Variants in PAPPA2 observed in about 807,000 individuals in gnomAD.
PAPPA2 encodes pappalysin-2.
PAPPA2 carries 86 observed loss-of-function variants against 176.4 expected under a neutral mutation model. The ratio of observed to expected loss-of-function variants is 0.49; its 90% confidence interval spans 0.41 to 0.58. The LOEUF (loss-of-function observed/expected upper bound fraction) is 0.58, where lower values mean the gene tolerates loss of function less well. Among genes scored for constraint, PAPPA2 ranks in the 20% least tolerant of loss-of-function variants. The pLI is 0.00. For synonymous variants in PAPPA2, 809 were observed against 852.2 expected, an observed-to-expected ratio of 0.95 and a Z score of 0.88; for missense variants, 2,073 against 2,256.9, an observed-to-expected ratio of 0.92 and a Z score of 1.65.
intron 10 of PAPPA2, 79 bp from the exon 11 acceptor site, chr1:176,709,901 GTGT>G: frequency 3.1e-6 from 4 of 1,270,136 alleles, no homozygotes. Flanking sequence ...TGGAGAAGAA[GTGT>G]TGTGGACATT....
At chr1:176,583,201 C>A (rs1421531069) in intron 2 of PAPPA2, among the ~76,000 whole-genome samples, 3 of 151,842 alleles carry the variant, frequency 2.0e-5, no homozygotes, top group East Asian at 1.9e-4. Flanking sequence ...TTTCATTGAA[C>A]TTTCTTAGTC....
intron 21 of PAPPA2, among the ~76,000 whole-genome samples, chr1:176,829,329 G>T (rs1209707940): frequency 6.6e-6 from 1 of 152,098 alleles, no homozygotes; most frequent in Non-Finnish European, 1.5e-5. Context: ...GGAGGGCCAA[G>T]AAAAATATTT....
chr1:176,650,132 T>A (rs1275764856), intron 3 of PAPPA2, among the ~76,000 whole-genome samples: 1 of 151,576 alleles, frequency 6.6e-6, no homozygotes, highest in Non-Finnish European at 1.5e-5. Context: ...ATTGTCCCCT[T>A]TGTCATTATA....
intron 14 of PAPPA2, among the ~76,000 whole-genome samples, 160 bp from the exon 15 acceptor site, chr1:176,765,506 G>T (rs1258004175): frequency 6.6e-6 from 1 of 152,168 alleles, no homozygotes; most frequent in African/African-American, 2.4e-5. Context: ...ATGCTGCATG[G>T]TGTTGGGTAG....
intron 1 of PAPPA2, among the ~76,000 whole-genome samples, chr1:176,486,686 C>A (rs897831817): frequency 2.0e-5 from 3 of 152,060 alleles, no homozygotes; most frequent in Admixed American, 2.0e-4. Context: ...CTTTTTGAAA[C>A]CAGGTGAGCA....
intron 1 of PAPPA2, among the ~76,000 whole-genome samples, chr1:176,552,475 TCTC>T: frequency 6.7e-6 from 1 of 149,850 alleles, no homozygotes; most frequent in East Asian, 2.0e-4. Flanking sequence ...CTCTCCTCTC[TCTC>T]CTCGCTTTCC....
chr1:176,470,259 A>C (rs560630539), intron 1 of PAPPA2, among the ~76,000 whole-genome samples: 2 of 152,300 alleles, frequency 1.3e-5, no homozygotes, highest in East Asian at 3.9e-4. Flanking sequence ...AGAATAAGCA[A>C]CTTGGGCTAA....
Position 176,566,849 on chromosome 1 carries a change from G to A in PAPPA2, c.919+9608G>A, listed in dbSNP as rs1162297122. Reference sequence around the variant, plus strand: ...TTTCCTCTTCCAATCTGTGCCTTGAGGAGGCCAAATAAACACTTTATTTGG... The same window carrying A: ...TTTCCTCTTCCAATCTGTGCCTTGAAGAGGCCAAATAAACACTTTATTTGG... On this transcript the variant is annotated intron_variant, in intron 2 of 22. Coordinates refer to ENST00000367662, the MANE Select transcript of PAPPA2 (RefSeq NM_020318.3). Among the ~76,000 whole-genome samples, 3 of 152,208 alleles carry A rather than the reference G, an allele frequency of 2.0e-5. No homozygotes were observed. In the South Asian group the frequency reaches 6.2e-4, roughly 32 times the overall value.
intron 2 of PAPPA2, among the ~76,000 whole-genome samples, chr1:176,557,524 C>T (rs1651395414): frequency 6.6e-6 from 1 of 152,084 alleles, no homozygotes; most frequent in Admixed American, 6.5e-5. Flanking sequence ...GCTCTCTTAC[C>T]TGTCTTTAAA....
chr1:176,556,127 C>T lies in PAPPA2; in HGVS notation c.-196C>T, dbSNP rs1349062033. The T allele has an allele frequency of 4.7e-6, 3 of 637,958 alleles. No homozygotes were observed. The highest frequency in any genetic ancestry group is 8.0e-6 in the Non-Finnish European group (3 of 374,032). 39.5% of individuals were successfully genotyped at this position (637,958 alleles called of 1,614,324 possible). A position where few individuals can be genotyped will look rare whatever the true frequency, so the allele number is the denominator to read the frequency against. ...ACATGCCCTGGGGAGGCATAGAAGCCACACTGGCAGAGCGGCCAGCACAGG... is the reference window on the plus strand; with the variant it reads ...ACATGCCCTGGGGAGGCATAGAAGCTACACTGGCAGAGCGGCCAGCACAGG... On this transcript the variant is annotated 5_prime_UTR_variant, in exon 2 of 23. Coordinates refer to ENST00000367662, the MANE Select transcript of PAPPA2 (RefSeq NM_020318.3).
intron 3 of PAPPA2, among the ~76,000 whole-genome samples, chr1:176,623,641 TTC>T (rs1655758097): frequency 8.0e-6 from 1 of 125,738 alleles, no homozygotes; most frequent in African/African-American, 3.2e-5. Flanking sequence ...CTTTCTTTCT[TTC>T]TTTCTTTCTT....
chr1:176,798,061 AC>A (rs1306309361), intron 20 of PAPPA2, among the ~76,000 whole-genome samples: 1 of 152,214 alleles, frequency 6.6e-6, no homozygotes, highest in African/African-American at 2.4e-5. Flanking sequence ...TGACACAGGT[AC>A]CACCAACTTT....
intron 10 of PAPPA2, 54 bp downstream of exon 10, chr1:176,706,504 T>C (rs1660890080): frequency 6.7e-7 from 1 of 1,488,210 alleles, no homozygotes; most frequent in East Asian, 2.3e-5. Context: ...AGGTGTATTA[T>C]TTTGTGAGTT....
intron 1 of PAPPA2, among the ~76,000 whole-genome samples, chr1:176,464,862 A>G (rs747521235): frequency 1.3e-5 from 2 of 152,268 alleles, no homozygotes; most frequent in Non-Finnish European, 2.9e-5. Context: ...AGAAGAAACT[A>G]TAAAACAATC....
chr1:176,711,671 G>A (rs981587037), intron 11 of PAPPA2, among the ~76,000 whole-genome samples, 164 bp from the exon 12 acceptor site: 3 of 152,158 alleles, frequency 2.0e-5, no homozygotes, highest in Admixed American at 1.3e-4. Flanking sequence ...GTTAAAGAGA[G>A]CACTGAGAAA....
Position 176,709,962 on chromosome 1 carries a change from TCA to T in PAPPA2, c.3458-16_3458-15del. 1 of 1,579,590 alleles carries T rather than the reference TCA, an allele frequency of 6.3e-7. No homozygotes were observed. The highest frequency in any genetic ancestry group is 1.2e-5 in the South Asian group (1 of 86,538). Reference sequence around the variant, plus strand: ...CATTTATGAAAACACTTTTTCTGTGTCACACAATATTTCTTGGCAGGAGAGCC... The same window carrying T: ...CATTTATGAAAACACTTTTTCTGTGTCACAATATTTCTTGGCAGGAGAGCC... On this transcript the variant is annotated intron_variant, in intron 10 of 22. Transcript: ENST00000367662.
rs1339464047 is a variant in PAPPA2 at position 176,709,999 on chromosome 1, C to T, written c.3474C>T (p.Cys1158=). ...TCTTGGCAGGAGAGCCAAGCCTTTG[C>T]TACATGTATGAGGGAGATGGCATAT... is the stretch of plus-strand genomic sequence containing the variant. ...GFNCVGEPSL[C]YMYEGDGICE... The change falls in exon 11 of 23, where the codon TGC becomes TGT. Residue 1158 remains cysteine, a synonymous_variant. Coordinates refer to ENST00000367662, the MANE Select transcript of PAPPA2 (RefSeq NM_020318.3). 1 of 1,606,712 alleles carries T rather than the reference C, an allele frequency of 6.2e-7. No individual in the cohort carries two copies. The highest frequency in any genetic ancestry group is 2.2e-5 in the East Asian group (1 of 44,738).
intron 7 of PAPPA2, among the ~76,000 whole-genome samples, 197 bp downstream of exon 7, chr1:176,696,056 T>A (rs1368857998): frequency 6.6e-6 from 1 of 151,568 alleles, no homozygotes; most frequent in Non-Finnish European, 1.5e-5. Context: ...GTGCAGAATG[T>A]TCCATATGTG....
chr1:176,817,895 G>C (rs1397821419), intron 21 of PAPPA2, among the ~76,000 whole-genome samples: 1 of 152,104 alleles, frequency 6.6e-6, no homozygotes, highest in Admixed American at 6.6e-5. Flanking sequence ...ACGTATGGAT[G>C]CTAATTGAAG....
Sources: allele counts gnomAD v4.1 joint callset (sites outside exome capture counted in the v4.1 genomes callset), GRCh38; gene constraint gnomAD v4.1.1; transcripts MANE v1.5; gene names NCBI Gene and HGNC (gene_info 2026-07-23, HGNC 2026-07-21).